The following DLGAP1 variants were observed in gnomAD, a reference collection of about 807,000 sequenced individuals.
DLGAP1 encodes disks large-associated protein 1.
In DLGAP1, 11 loss-of-function variants were observed where a neutral mutation model predicts 90.8. The observed-to-expected ratio is 0.12, with a 90% CI of 0.08 to 0.20. DLGAP1 has a LOEUF of 0.20. DLGAP1 is among the 10% of genes least tolerant of loss of function. The probability of loss-of-function intolerance (pLI) is 1.00; values close to 1 mark genes in which losing one functional copy is unlikely to be tolerated. For missense variants in DLGAP1, 1,050 were observed against 1,333.8 expected, an observed-to-expected ratio of 0.79 and a Z score of 3.31; for synonymous variants, 558 against 540.7, an observed-to-expected ratio of 1.03 and a Z score of -0.44.
chr18:4,210,788 A>C (rs8087894), intron 1 of DLGAP1, among the ~76,000 whole-genome samples: 92,360 of 151,946 alleles, frequency 0.61, 28,428 homozygotes, highest in East Asian at 0.82. Flanking sequence ...CTGGATGGAG[A>C]CTAAAGATCT....
chr18:3,747,182 G>A (rs1262199555), intron 5 of DLGAP1, among the ~76,000 whole-genome samples: 3 of 152,074 alleles, frequency 2.0e-5, no homozygotes, highest in African/African-American at 7.3e-5. Context: ...GGCCCTGTCT[G>A]TATTTTTTAA....
At chr18:3,611,044 A>C (rs1599532862) in intron 7 of DLGAP1, among the ~76,000 whole-genome samples, 1 of 151,754 alleles carries the variant, frequency 6.6e-6, no homozygotes, top group Non-Finnish European at 1.5e-5. Flanking sequence ...AGGCGGGAGG[A>C]TTGCTTGAGC....
intron 5 of DLGAP1, among the ~76,000 whole-genome samples, chr18:3,804,003 T>C (rs1333029649): frequency 8.7e-6 from 1 of 115,402 alleles, no homozygotes; most frequent in Non-Finnish European, 1.8e-5. Flanking sequence ...TATATATATA[T>C]AATTTTTTTT....
At chr18:3,896,715 A>T (rs1169324267) in intron 3 of DLGAP1, 3 of 152,388 alleles carry the variant, frequency 2.0e-5, no homozygotes, top group African/African-American at 7.2e-5. Flanking sequence ...ACCTTCTCCC[A>T]GCCTCCTGTC....
At chr18:4,108,463 TA>T (rs762026969) in intron 2 of DLGAP1, among the ~76,000 whole-genome samples, 1 of 152,102 alleles carries the variant, frequency 6.6e-6, no homozygotes, top group African/African-American at 2.4e-5. Context: ...TCTTTTGTTA[TA>T]GGGGTCTCAG....
At chr18:4,397,891 T>C (rs2082472906) in intron 1 of DLGAP1, among the ~76,000 whole-genome samples, 1 of 152,164 alleles carries the variant, frequency 6.6e-6, no homozygotes, top group African/African-American at 2.4e-5. Flanking sequence ...GCAGGGTTTA[T>C]GAGTGAAAAA....
At chr18:3,512,946 C>T (rs536505135) in intron 10 of DLGAP1, among the ~76,000 whole-genome samples, 31 of 152,234 alleles carry the variant, frequency 2.0e-4, no homozygotes, top group African/African-American at 6.7e-4. Flanking sequence ...TTAATGGTGG[C>T]GCAGCGTTGT....
In DLGAP1 at chr18:4,310,564, CACATCTTTA is replaced by C. The variant is rs767093241; in HGVS notation, c.-267+144433_-267+144441del. 2.0e-4 allele frequency among the ~76,000 whole-genome samples: 30 copies of C among 152,280 alleles called. 1 individual carries two copies. Among genetic ancestry groups the C allele is most frequent in the Middle Eastern group, 6.8e-3 (2 of 294 alleles). The stretch of plus-strand genomic sequence containing the variant: ...TTATGTGATTTCCTACAACCTTGAA[CACATCTTTA>C]GCACTGTGCTTTATCATAGTGTACA... On this transcript the variant is annotated intron_variant, in intron 1 of 12. Transcript: ENST00000315677.
intron 1 of DLGAP1, among the ~76,000 whole-genome samples, chr18:4,242,874 C>T (rs1264623481): frequency 6.6e-6 from 1 of 152,090 alleles, no homozygotes; most frequent in Admixed American, 6.5e-5. Flanking sequence ...ATGTAATACC[C>T]ATGATGAGGG....
chr18:3,901,911 T>A (rs144540339), intron 3 of DLGAP1, among the ~76,000 whole-genome samples: 130 of 152,276 alleles, frequency 8.5e-4, no homozygotes, highest in Admixed American at 2.0e-3. Flanking sequence ...ACCCCTAAGG[T>A]GTCCGTGGTA....
At chr18:4,292,669 T>G (rs78162776) in intron 1 of DLGAP1, among the ~76,000 whole-genome samples, 4,121 of 152,234 alleles carry the variant, frequency 0.027, 194 homozygotes, top group African/African-American at 0.094. Context: ...GAATGTGGCT[T>G]GAAGGTTAAA....
intron 1 of DLGAP1, among the ~76,000 whole-genome samples, chr18:4,268,825 G>A (rs912198504): frequency 6.6e-6 from 1 of 152,110 alleles, no homozygotes; most frequent in African/African-American, 2.4e-5. Flanking sequence ...TAAAATCAAT[G>A]TATTTAATAA....
intron 1 of DLGAP1, among the ~76,000 whole-genome samples, chr18:4,439,402 A>G (rs1400293931): frequency 6.6e-6 from 1 of 152,244 alleles, no homozygotes; most frequent in East Asian, 1.9e-4. Context: ...GAGCTTTGTT[A>G]TTTCATATTC....
At chr18:4,204,525 G>GTTTTTGT (rs2077680722) in intron 1 of DLGAP1, among the ~76,000 whole-genome samples, 4 of 147,728 alleles carry the variant, frequency 2.7e-5, no homozygotes, top group Non-Finnish European at 6.0e-5. Context: ...TTTTGTTTTT[G>GTTTTTGT]TTTTTTTTTC....
intron 1 of DLGAP1, among the ~76,000 whole-genome samples, chr18:4,324,367 GT>G (rs2080767289): frequency 6.6e-6 from 1 of 150,950 alleles, no homozygotes; most frequent in African/African-American, 2.4e-5. Flanking sequence ...AATTGAATCA[GT>G]CATAAAAAGC....
intron 1 of DLGAP1, among the ~76,000 whole-genome samples, chr18:4,443,963 C>T (rs2083598508): frequency 6.6e-6 from 1 of 152,232 alleles, no homozygotes; most frequent in African/African-American, 2.4e-5. Flanking sequence ...CCCACCTAAT[C>T]AATCAGTAAA....
intron 1 of DLGAP1, among the ~76,000 whole-genome samples, chr18:4,161,630 G>A (rs73369064): frequency 0.026 from 3,949 of 152,142 alleles, 175 homozygotes; most frequent in African/African-American, 0.086. Context: ...AATCAGGTTG[G>A]TGACTAGTTC....
chr18:3,720,888 C>CCAAAAAAAAAAAAAAAAAAAAACAAAA (rs1441095000), intron 7 of DLGAP1, among the ~76,000 whole-genome samples: 1 of 50,312 alleles, frequency 2.0e-5, no homozygotes, highest in African/African-American at 8.0e-5. Flanking sequence ...CTTGTCTCTA[C>CCAAAAAAAAAAAAAAAAAAAAACAAAA]AAAAAAAAAA....
intron 2 of DLGAP1, among the ~76,000 whole-genome samples, chr18:4,006,184 T>A (rs2074296960): frequency 6.6e-6 from 1 of 152,220 alleles, no homozygotes; most frequent in African/African-American, 2.4e-5. Context: ...TATGAAGTAT[T>A]CTTCTCTTGC....
Sources: allele counts gnomAD v4.1 joint callset (sites outside exome capture counted in the v4.1 genomes callset), GRCh38; gene constraint gnomAD v4.1.1; transcripts MANE v1.5; gene names NCBI Gene and HGNC (gene_info 2026-07-23, HGNC 2026-07-21).